ELL3: variants seen among roughly 807,000 people sequenced by gnomAD.
The protein encoded by ELL3 is elongation factor for RNA polymerase II 3.
ELL3 carries 48 observed loss-of-function variants against 58.5 expected under a neutral mutation model. The observed-to-expected ratio is 0.82, with a 90% confidence interval of 0.65 to 1.04. ELL3 has a LOEUF of 1.04. Among genes scored for constraint, ELL3 ranks in the 50% least tolerant of loss-of-function variants. The pLI is 0.00. For missense variants in ELL3, 458 were observed against 478.4 expected, an observed-to-expected ratio of 0.96 and a Z score of 0.40; for synonymous variants, 174 against 173.2, an observed-to-expected ratio of 1.00 and a Z score of -0.04.
Position 43,774,783 on chromosome 15 carries a change from A to T in ELL3, c.646-10T>A. ...CAGGCACTGAACGTTTCTGTTGAGG[A>T]AAATATCTGTGTGACATAAACAGCC... On this transcript the variant is annotated splice_polypyrimidine_tract_variant and intron_variant, in intron 6 of 10. Coordinates refer to ENST00000319359, the MANE Select transcript of ELL3 (RefSeq NM_025165.3). The T allele has an allele frequency of 9.5e-6, 15 of 1,586,334 alleles. No homozygotes were observed. Among genetic ancestry groups the T allele is most frequent in the Non-Finnish European group, 1.3e-5 (15 of 1,171,228 alleles).
Position 43,774,755 on chromosome 15 carries a change from C to T in ELL3, c.664G>A (p.Ala222Thr), listed in dbSNP as rs753150863. 9 of 1,606,954 alleles carry T rather than the reference C, an allele frequency of 5.6e-6. No homozygotes were observed. Among genetic ancestry groups the T allele is most frequent in the Non-Finnish European group, 7.6e-6 (9 of 1,178,092 alleles). Residue 222 changes from alanine to threonine, a missense_variant, in exon 7 of 11, where the codon GCC becomes ACC. By Grantham distance (58) the Ala-to-Thr change is moderately conservative. Coordinates refer to ENST00000319359, the MANE Select transcript of ELL3 (RefSeq NM_025165.3). ...RLDKKRSVPVATVELEEKRFR... is the reference protein window; with the variant it reads ...RLDKKRSVPVTTVELEEKRFR... The stretch of plus-strand genomic sequence containing the variant: ...CTCTTTTCTTCCAGTTCTACAGTGG[C>T]TACAGGCACTGAACGTTTCTGTTGA...
rs768290291 is a variant in ELL3 at position 43,775,610 on chromosome 15, C to T, written c.484G>A (p.Val162Met). ...CTTGCCAGTGGATCTGACACTGACA[C>T]CTGGTGGGGAAAGTGGCAGGAGCAC... ...VSQPQMALEE[V>M]SVSDPLASNQ... The change falls in exon 5 of 11, where the codon GTG becomes ATG. Residue 162 changes from valine to methionine, a missense_variant and splice_region_variant. By Grantham distance (21) the Val-to-Met change is conservative. Coordinates refer to ENST00000319359, the MANE Select transcript of ELL3 (RefSeq NM_025165.3). 4 of 1,614,178 alleles carry T rather than the reference C, an allele frequency of 2.5e-6. No homozygotes were observed. The highest frequency in any genetic ancestry group is 1.6e-4 in the Middle Eastern group (1 of 6,062).
At chr15:43,776,287 G>C in intron 2 of ELL3, 136 bp from the exon 3 acceptor site, 1 of 1,077,794 alleles carries the variant, frequency 9.3e-7, no homozygotes, top group Non-Finnish European at 1.4e-6. Flanking sequence ...AGGTGCAGCT[G>C]GGCCTGAGTT....
rs376046473 is a variant in ELL3, at chr15:43,774,615, G to A, written c.804C>T (p.His268=). ...ACTCACCTTCTTGAACTGAGGAACT[G>A]TGTTCTAATCTGGGGTCCATGTCCT... ...EDEDMDPRLE[H]SSSVQEDSES... The change falls in exon 7 of 11, where the codon CAC becomes CAT. Residue 268 remains histidine (H), a synonymous_variant. Transcript: ENST00000319359. The A allele has an allele frequency of 4.3e-6, 7 of 1,614,108 alleles. No individual in the cohort carries two copies. The highest frequency in any genetic ancestry group is 5.9e-6 in the Non-Finnish European group (7 of 1,180,018).
intron 2 of ELL3, 65 bp from the exon 3 acceptor site, chr15:43,776,216 C>T: frequency 1.4e-6 from 2 of 1,431,794 alleles, no homozygotes; most frequent in Non-Finnish European, 1.9e-6. Context: ...CGCCGCCACT[C>T]GTCCGGGAGC....
rs376517904 is a variant in ELL3, at chr15:43,774,102, T to C, written c.1038+80A>G. The C allele has an allele frequency of 7.6e-5, 117 of 1,539,124 alleles. 3 individuals carry two copies. In the South Asian group the frequency reaches 1.3e-3, roughly 17 times the overall value. ...TCCTTGTCACTTTGCTTAGTCACTT[T>C]ATAAACACAGGTGTATGGATGGTTA... On this transcript the variant is annotated intron_variant, in intron 9 of 10. Transcript: ENST00000319359.
In ELL3 at chr15:43,776,878, C is replaced by A; in HGVS notation, c.24G>T (p.Leu8=). The part of the protein sequence containing the change: MEELQEP[L]RGQLRLCFTQ... ...TGAAGCAGAGCCGGAGCTGTCCTCTCAGAGGCTCCTGGAGCTCCTCCATGG... is the reference window on the plus strand; with the variant it reads ...TGAAGCAGAGCCGGAGCTGTCCTCTAAGAGGCTCCTGGAGCTCCTCCATGG... Residue 8 remains leucine, a synonymous_variant, in exon 1 of 11, where the codon CTG becomes CTT. Coordinates refer to ENST00000319359, the MANE Select transcript of ELL3 (RefSeq NM_025165.3). 6.2e-7 allele frequency: 1 copy of A among 1,611,644 alleles called. No individual in the cohort carries two copies. Among genetic ancestry groups the A allele is most frequent in the Non-Finnish European group, 8.5e-7 (1 of 1,179,772 alleles).
Position 43,773,131 on chromosome 15 carries a change from C to A in ELL3, c.1179G>T (p.Lys393Asn). The A allele has an allele frequency of 6.2e-7, 1 of 1,608,454 alleles. No individual in the cohort carries two copies. The highest frequency in any genetic ancestry group is 1.7e-5 in the Admixed American group (1 of 58,130). Residue 393 changes from lysine (K) to asparagine (N), a missense_variant, in exon 11 of 11, where the codon AAG (lysine) becomes AAT (asparagine). Coordinates refer to ENST00000319359, the MANE Select transcript of ELL3 (RefSeq NM_025165.3). ...IKGLILEFEE[K>N]NRGS is the part of the protein sequence containing the mutation. ...CTTGATAACTTCAGCTGCCCCTGTT[C>A]TTTTCCTCAAACTCCAGGATGAGAC...
In ELL3 at chr15:43,773,352, A is replaced by T; in HGVS notation, c.1039-4T>A. ...GGATTATCTTGTCTTCCAGGACCTG[A>T]AACAGAAATTACTAGCACTGAGTTC... is the stretch of plus-strand genomic sequence containing the variant. On this transcript the variant is annotated splice_region_variant and splice_polypyrimidine_tract_variant and intron_variant, in intron 9 of 10. Transcript: ENST00000319359. 6.2e-7 allele frequency: 1 copy of T among 1,614,112 alleles called. No individual in the cohort carries two copies. Among genetic ancestry groups the T allele is most frequent in the Non-Finnish European group, 8.5e-7 (1 of 1,180,024 alleles).
Position 43,772,638 on chromosome 15 carries a change from G to A in ELL3, c.*478C>T, listed in dbSNP as rs1442372994. 2 of 152,402 alleles carry A rather than the reference G, an allele frequency of 1.3e-5. No homozygotes were observed. Among genetic ancestry groups the A allele is most frequent in the African/African-American group, 4.8e-5 (2 of 41,466 alleles). The allele number at this position is 152,402 out of a possible 1,614,324, so 9.4% of individuals were successfully genotyped here. On this transcript the variant is annotated 3_prime_UTR_variant, in exon 11 of 11. Coordinates refer to ENST00000319359, the MANE Select transcript of ELL3 (RefSeq NM_025165.3). The stretch of plus-strand genomic sequence containing the variant: ...CAGTCAGTTTTAATTTTTTAGCCAT[G>A]TTGGTAAAAGTTCATTTTCAGTACA...
rs2086900874 is a variant in ELL3 at position 43,774,586 on chromosome 15, A to C, written c.823+10T>G. 2 of 1,613,938 alleles carry C rather than the reference A, an allele frequency of 1.2e-6. No homozygotes were observed. Among genetic ancestry groups the C allele is most frequent in the African/African-American group, 1.3e-5 (1 of 75,022 alleles). ...CCACTGGCATTTTTACCCTCCTCTC[A>C]TTAACTCACCTTCTTGAACTGAGGA... On this transcript the variant is annotated intron_variant, in intron 7 of 10. Transcript: ENST00000319359.
At chr15:43,773,958 C>T (rs547596653) in intron 9 of ELL3, among the ~76,000 whole-genome samples, 4 of 152,214 alleles carry the variant, frequency 2.6e-5, no homozygotes, top group South Asian at 2.1e-4. Context: ...GCCAAGATTG[C>T]GCCACTGCAC....
intron 2 of ELL3, 130 bp from the exon 3 acceptor site, chr15:43,776,281 G>T: frequency 9.2e-7 from 1 of 1,091,504 alleles, no homozygotes; most frequent in Non-Finnish European, 1.3e-6. Context: ...CACACCAGGT[G>T]CAGCTGGGCC....
Position 43,774,253 on chromosome 15 carries a change from T to C in ELL3, c.967A>G (p.Thr323Ala). The change falls in exon 9 of 11, where the codon ACT becomes GCT. Residue 323 changes from threonine (T) to alanine (A), a missense_variant. Thr to Ala is a moderately conservative substitution (Grantham distance 58). Coordinates refer to ENST00000319359, the MANE Select transcript of ELL3 (RefSeq NM_025165.3). ...AGCTCTATGAACCTTTGGCTTGCAGTCCCAACACGGGCATGCAGGATGCGG... is the reference window on the plus strand; with the variant it reads ...AGCTCTATGAACCTTTGGCTTGCAGCCCCAACACGGGCATGCAGGATGCGG... ...EYRILHARVG[T>A]ASQRFIELGA... is the part of the protein sequence containing the mutation. 1 of 1,614,124 alleles carries C rather than the reference T, an allele frequency of 6.2e-7. No individual in the cohort carries two copies.
chr15:43,774,149 G>C, intron 9 of ELL3, 33 bp downstream of exon 9: 1 of 1,608,476 alleles, frequency 6.2e-7, no homozygotes, highest in Non-Finnish European at 8.5e-7. Context: ...ATGGCCAGTA[G>C]AGCTGGAAAG....
chr15:43,775,058 G>A (rs555823943), intron 6 of ELL3, among the ~76,000 whole-genome samples: 17 of 151,798 alleles, frequency 1.1e-4, no homozygotes, highest in East Asian at 3.9e-4. Flanking sequence ...GTGGTGAGCC[G>A]TGATCATACC....
intron 1 of ELL3, 103 bp from the exon 2 acceptor site, chr15:43,776,647 G>A: frequency 6.5e-7 from 1 of 1,546,208 alleles, no homozygotes; most frequent in Middle Eastern, 1.7e-4. Context: ...GCTTCACTTG[G>A]AGAGGTGGGG....
intron 1 of ELL3, 76 bp downstream of exon 1, chr15:43,776,694 C>A (rs753493160): frequency 7.7e-6 from 12 of 1,558,100 alleles, no homozygotes; most frequent in Non-Finnish European, 9.6e-6. Flanking sequence ...CTCTCCCCTG[C>A]ACCTTCTCCA....
At chr15:43,775,213 T>G in intron 6 of ELL3, 93 bp downstream of exon 6, 1 of 1,302,768 alleles carries the variant, frequency 7.7e-7, no homozygotes, top group South Asian at 1.5e-5. Flanking sequence ...TTTCTAAATT[T>G]TAGCTTGACT....
Sources: gnomAD v4.1 joint callset for allele counts (sites outside exome capture counted in the v4.1 genomes callset) on GRCh38, gnomAD v4.1.1 for gene constraint, MANE v1.5 for transcripts, NCBI Gene and HGNC (gene_info 2026-07-23, HGNC 2026-07-21) for gene names.